ZNF727: variants seen among roughly 807,000 people sequenced by gnomAD.
The protein encoded by ZNF727 is putative zinc finger protein 727.
Under a neutral mutation model 11.5 loss-of-function variants are expected in ZNF727, and 11 were observed. The observed-to-expected ratio is 0.95, with a 90% CI of 0.60 to 1.58. ZNF727 has a LOEUF of 1.58. Ranked by LOEUF, ZNF727 falls within the 40% of genes most tolerant of loss-of-function variation. The pLI, the probability that ZNF727 is intolerant of heterozygous loss-of-function variation, is 0.00. For synonymous variants in ZNF727, 171 were observed against 196.1 expected (o/e 0.87, Z 1.07); for missense variants, 533 against 581.7 (o/e 0.92, Z 0.86).
At chr7:64,069,218 G>A (rs943976023) in intron 2 of ZNF727, among the ~76,000 whole-genome samples, 2 of 151,766 alleles carry the variant, frequency 1.3e-5, no homozygotes, top group East Asian at 3.9e-4. Context: ...GAGCTCATCT[G>A]TATATTTCAG....
intron 1 of ZNF727, among the ~76,000 whole-genome samples, chr7:64,055,246 A>G (rs992464990): frequency 6.6e-6 from 1 of 151,964 alleles, no homozygotes; most frequent in African/African-American, 2.4e-5. Context: ...GTGAAACTCC[A>G]TATCTACTAA....
intron 3 of ZNF727, among the ~76,000 whole-genome samples, chr7:64,075,428 CACTATAT>C (rs1285625392): frequency 2.0e-5 from 3 of 151,396 alleles, no homozygotes; most frequent in African/African-American, 7.3e-5. Context: ...TTATTGCTGT[CACTATAT>C]ACTAGTGATT....
At chr7:64,059,859 CTA>C (rs1789743515) in intron 1 of ZNF727, among the ~76,000 whole-genome samples, 1 of 152,096 alleles carries the variant, frequency 6.6e-6, no homozygotes, top group South Asian at 2.1e-4. Context: ...TGTTTTGTCT[CTA>C]TTAAATATAT....
intron 1 of ZNF727, among the ~76,000 whole-genome samples, chr7:64,058,226 TCA>T (rs1449490154): frequency 6.6e-6 from 1 of 152,140 alleles, no homozygotes; most frequent in Non-Finnish European, 1.5e-5. Context: ...ACACAGACTG[TCA>T]CACTGTAAAT....
In ZNF727 at chr7:64,077,639, A is replaced by G; in HGVS notation, c.590A>G (p.Asp197Gly). ...FTIQKRIHTA[D>G]RSYKCEECGK... ...ATACAGAAGAGAATTCATACTGCAG[A>G]TAGAAGTTACAAATGTGAAGAATGT... Residue 197 changes from aspartate to glycine, a missense_variant, in exon 4 of 4, where the codon GAT becomes GGT. Asp to Gly is a moderately conservative substitution (Grantham distance 94). This residue lies in a region of ZNF727 where 463 missense variants were observed against 494.5 expected (regional missense o/e 0.94). Coordinates refer to ENST00000456806, the MANE Select transcript of ZNF727 (RefSeq NM_001159522.3). 1 of 1,553,562 alleles carries G rather than the reference A, an allele frequency of 6.4e-7. No individual in the cohort carries two copies. Among genetic ancestry groups the G allele is most frequent in the South Asian group, 1.2e-5 (1 of 84,210 alleles).
chr7:64,078,168 T>A lies in ZNF727; in HGVS notation c.1119T>A (p.Cys373Ter), dbSNP rs377336191. The A allele has an allele frequency of 2.8e-5, 44 of 1,596,106 alleles. No individual in the cohort carries two copies. In the African/African-American group the frequency reaches 5.5e-4, roughly 20 times the overall value. ...TGAGACCTTACAAATGTGAAGAATG[T>A]GGCAAAACCTTTAAGTGGTTCTCAG... ...MELRPYKCEE[C>*]GKTFKWFSDL... Residue 373 changes from cysteine (C) to a stop codon, truncating the protein, a stop_gained, in exon 4 of 4, where the codon TGT becomes TGA. Transcript: ENST00000456806. LOFTEE classifies it low-confidence loss of function (END_TRUNC).
At chr7:64,066,585 A>C (rs986375445) in intron 1 of ZNF727, among the ~76,000 whole-genome samples, 1 of 152,222 alleles carries the variant, frequency 6.6e-6, no homozygotes, top group African/African-American at 2.4e-5. Context: ...GTGCTGGGAA[A>C]ACTGTCTCGC....
rs929187231 is a variant in ZNF727, at chr7:64,080,052, A to T, written c.*1503A>T. 4.6e-5 allele frequency among the ~76,000 whole-genome samples: 7 copies of T among 151,996 alleles called. No individual in the cohort carries two copies. Among genetic ancestry groups the T allele is most frequent in the Admixed American group, 1.3e-4 (2 of 15,256 alleles). ...TTGTCTGAGCTTCTTTTTAGAGGTG[A>T]CCTGGTCTTTCTCTCTAGCTGCCTT... On this transcript the variant is annotated 3_prime_UTR_variant, in exon 4 of 4. Coordinates refer to ENST00000456806, the MANE Select transcript of ZNF727 (RefSeq NM_001159522.3).
intron 3 of ZNF727, among the ~76,000 whole-genome samples, chr7:64,072,772 T>C (rs1264385990): frequency 6.6e-6 from 1 of 152,130 alleles, no homozygotes; most frequent in African/African-American, 2.4e-5. Flanking sequence ...TTTTCAAGTT[T>C]GCCGCCTGAA....
At position 64,084,183 on chromosome 7, in the gene ZNF727, G is replaced by A. The variant is rs544358495; in HGVS notation, c.*5634G>A. Among the ~76,000 whole-genome samples the A allele has an allele frequency of 2.4e-4, 37 of 152,296 alleles. No homozygotes were observed. Among genetic ancestry groups the A allele is most frequent in the African/African-American group, 8.7e-4 (36 of 41,574 alleles). On this transcript the variant is annotated 3_prime_UTR_variant, in exon 4 of 4. Coordinates refer to ENST00000456806, the MANE Select transcript of ZNF727 (RefSeq NM_001159522.3). ...TGGTTGATTTACAACAGCATTATAA[G>A]TGACAGGGTGATAGAAGTGTGGTAA...
intron 1 of ZNF727, among the ~76,000 whole-genome samples, chr7:64,050,519 T>G (rs79805113): frequency 0.066 from 10,043 of 152,188 alleles, 396 homozygotes; most frequent in African/African-American, 0.099. Flanking sequence ...GACAAAAGGT[T>G]TTAAGTGGAA....
intron 1 of ZNF727, among the ~76,000 whole-genome samples, chr7:64,046,983 T>C (rs894037078): frequency 5.9e-5 from 9 of 151,948 alleles, no homozygotes; most frequent in East Asian, 3.9e-4. Context: ...TTTGTGTTTT[T>C]TTTTTTTTTC....
intron 1 of ZNF727, among the ~76,000 whole-genome samples, chr7:64,062,794 T>C (rs1789793871): frequency 6.7e-6 from 1 of 148,858 alleles, no homozygotes; most frequent in South Asian, 2.1e-4. Context: ...ATTGCCCTCT[T>C]GAGGCTATTT....
rs778482677 is a variant in ZNF727, at chr7:64,077,614, A to G, written c.565A>G (p.Ile189Val). ...AGACTGTAGGTTGTCAGATTTTACC[A>G]TACAGAAGAGAATTCATACTGCAGA... ...GKDCRLSDFT[I>V]QKRIHTADRS... The change falls in exon 4 of 4, where the codon ATA becomes GTA. Residue 189 changes from isoleucine to valine, a missense_variant. Transcript: ENST00000456806. The G allele has an allele frequency of 6.4e-7, 1 of 1,551,794 alleles. No homozygotes were observed. The highest frequency in any genetic ancestry group is 1.2e-5 in the South Asian group (1 of 84,078).
chr7:64,062,514 A>G (rs980732743), intron 1 of ZNF727, among the ~76,000 whole-genome samples: 1 of 151,294 alleles, frequency 6.6e-6, no homozygotes, highest in Non-Finnish European at 1.5e-5. Flanking sequence ...TAAGATTTCC[A>G]CTGAAGAGTC....
chr7:64,071,465 GC>G (rs1255750986), intron 3 of ZNF727, among the ~76,000 whole-genome samples: 1 of 151,748 alleles, frequency 6.6e-6, no homozygotes, highest in African/African-American at 2.4e-5. Context: ...TATTATTACT[GC>G]TATTATCATT....
Position 64,079,577 on chromosome 7 carries a change from G to A in ZNF727, c.*1028G>A, listed in dbSNP as rs558813606. Among the ~76,000 whole-genome samples, 8 of 152,166 alleles carry A rather than the reference G, an allele frequency of 5.3e-5. No individual in the cohort carries two copies. In the East Asian group the frequency reaches 1.4e-3, roughly 26 times the overall value. On this transcript the variant is annotated 3_prime_UTR_variant, in exon 4 of 4. Coordinates refer to ENST00000456806, the MANE Select transcript of ZNF727 (RefSeq NM_001159522.3). ...TTTATTTTGAGCTTATTTGAAATGG[G>A]TATCTCAATTACAGCATACCATTAG... is the stretch of plus-strand genomic sequence containing the variant.
intron 1 of ZNF727, among the ~76,000 whole-genome samples, chr7:64,064,152 A>T (rs1010251570): frequency 3.3e-5 from 5 of 152,144 alleles, no homozygotes; most frequent in African/African-American, 9.7e-5. Context: ...TCAAGCTTCA[A>T]GACAAAGTCT....
At chr7:64,068,739 C>T (rs1789909916) in intron 1 of ZNF727, among the ~76,000 whole-genome samples, 152 bp from the exon 2 acceptor site, 1 of 152,106 alleles carries the variant, frequency 6.6e-6, no homozygotes, top group Non-Finnish European at 1.5e-5. Flanking sequence ...GTTAAAAATA[C>T]ATTAGAGAAT....
Sources: gnomAD v4.1 joint callset for allele counts (sites outside exome capture counted in the v4.1 genomes callset) on GRCh38, gnomAD v4.1.1 for gene constraint, gnomAD v4.1.1 regional missense constraint, MANE v1.5 for transcripts, NCBI Gene and HGNC (gene_info 2026-07-23, HGNC 2026-07-21) for gene names.